FRMD6: variants seen among roughly 807,000 people sequenced by gnomAD.
FRMD6 encodes FERM domain-containing protein 6.
A neutral mutation model predicts 73.2 loss-of-function variants in FRMD6; 37 were observed. That is an observed-to-expected ratio of 0.51 (90% CI 0.39 to 0.66). The LOEUF is 0.66. Ranked by LOEUF, FRMD6 falls within the 30% of genes least tolerant of loss-of-function variation. The probability of loss-of-function intolerance (pLI) is 0.00; values close to 1 mark genes in which losing one functional copy is unlikely to be tolerated. For synonymous variants in FRMD6, 273 were observed against 282.2 expected (o/e 0.97, Z 0.33); for missense variants, 714 against 780.5 (o/e 0.91, Z 1.02).
At chr14:51,620,780 C>A (rs1890899101) in intron 2 of FRMD6, among the ~76,000 whole-genome samples, 1 of 152,190 alleles carries the variant, frequency 6.6e-6, no homozygotes, top group Non-Finnish European at 1.5e-5. Context: ...TGGGCCTCAG[C>A]TGTTTCCAAG....
the FRMD6 span, among the ~76,000 whole-genome samples, chr14:51,411,360 T>C: frequency 6.6e-6 from 1 of 151,722 alleles, no homozygotes; most frequent in African/African-American, 2.4e-5. Context: ...AAGCAGAAAC[T>C]GGGAAGTAAG....
At chr14:51,430,963 A>G in the FRMD6 span, among the ~76,000 whole-genome samples, 1 of 152,200 alleles carries the variant, frequency 6.6e-6, no homozygotes, top group African/African-American at 2.4e-5. Context: ...TAGTAAGGAC[A>G]TTGCTATTCA....
intron 1 of FRMD6, among the ~76,000 whole-genome samples, chr14:51,670,271 T>G (rs1324847862): frequency 6.6e-6 from 1 of 152,086 alleles, no homozygotes; most frequent in African/African-American, 2.4e-5. Flanking sequence ...TTTGTGGAGA[T>G]GGGGGTCTCA....
chr14:51,473,839 T>A, the FRMD6 span, among the ~76,000 whole-genome samples: 5 of 148,990 alleles, frequency 3.4e-5, no homozygotes, highest in East Asian at 1.9e-4. Flanking sequence ...TTTTTTTTTT[T>A]AAATCCCAAG....
chr14:51,448,753 C>T, the FRMD6 span, among the ~76,000 whole-genome samples: 2 of 152,122 alleles, frequency 1.3e-5, no homozygotes, highest in East Asian at 3.9e-4. Flanking sequence ...CTCTCTTCTT[C>T]AAATAAAACT....
chr14:51,459,882 C>CTTTTTT, the FRMD6 span, among the ~76,000 whole-genome samples: 5 of 23,430 alleles, frequency 2.1e-4, no homozygotes, highest in African/African-American at 1.1e-3. Context: ...ATTACTGACT[C>CTTTTTT]TCTTTTTTTT....
At chr14:51,555,655 A>G (rs1196069440) in intron 1 of FRMD6, among the ~76,000 whole-genome samples, 1 of 152,112 alleles carries the variant, frequency 6.6e-6, no homozygotes. Context: ...ACACAAAATT[A>G]GCTGAGCATG....
intron 2 of FRMD6, among the ~76,000 whole-genome samples, chr14:51,605,673 A>G (rs747447441): frequency 2.0e-5 from 3 of 152,154 alleles, no homozygotes; most frequent in Non-Finnish European, 2.9e-5. Context: ...GATCAAGACT[A>G]TACAGGATTA....
chr14:51,430,636 C>G, the FRMD6 span, among the ~76,000 whole-genome samples: 2 of 152,058 alleles, frequency 1.3e-5, no homozygotes, highest in Non-Finnish European at 2.9e-5. Context: ...AAAAAACCCT[C>G]TGTTCTTCTC....
At chr14:51,630,357 T>C (rs917552277) in intron 2 of FRMD6, among the ~76,000 whole-genome samples, 20 of 152,296 alleles carry the variant, frequency 1.3e-4, no homozygotes, top group African/African-American at 4.8e-4. Context: ...TGCATAATGT[T>C]ACACAGATAG....
At chr14:51,570,869 TCATACATTATTCCAAA>T (rs1888098227) in intron 2 of FRMD6, among the ~76,000 whole-genome samples, 1 of 152,260 alleles carries the variant, frequency 6.6e-6, no homozygotes, top group African/African-American at 2.4e-5. Flanking sequence ...CTTCATAAAA[TCATACATTATTCCAAA>T]CATACTATCT....
At chr14:51,557,271 C>CACAT (rs201940675) in intron 1 of FRMD6, among the ~76,000 whole-genome samples, 8 of 150,728 alleles carry the variant, frequency 5.3e-5, no homozygotes, top group Non-Finnish European at 8.9e-5. Flanking sequence ...TATATATACA[C>CACAT]ACATACATAC....
the FRMD6 span, among the ~76,000 whole-genome samples, chr14:51,457,162 T>C: frequency 0.19 from 28,513 of 152,116 alleles, 3,065 homozygotes; most frequent in Middle Eastern, 0.27. Flanking sequence ...AAATAATAAA[T>C]GTATGATATG....
intron 1 of FRMD6, among the ~76,000 whole-genome samples, chr14:51,508,422 G>A (rs988090196): frequency 4.6e-5 from 7 of 152,182 alleles, no homozygotes; most frequent in East Asian, 1.9e-4. Flanking sequence ...TGCTAATCAC[G>A]TTATTTACAT....
chr14:51,606,817 C>CT (rs1362100496), intron 2 of FRMD6, among the ~76,000 whole-genome samples: 3 of 152,244 alleles, frequency 2.0e-5, no homozygotes, highest in African/African-American at 7.2e-5. Flanking sequence ...AGCCCAAGTC[C>CT]TAAGGCCTCA....
At chr14:51,555,545 G>A (rs1887079592) in intron 1 of FRMD6, among the ~76,000 whole-genome samples, 1 of 152,176 alleles carries the variant, frequency 6.6e-6, no homozygotes, top group South Asian at 2.1e-4. Context: ...GCTTACGCCT[G>A]TAATCCCGGC....
intron 2 of FRMD6, among the ~76,000 whole-genome samples, chr14:51,608,831 G>A (rs1342777227): frequency 6.6e-6 from 1 of 152,134 alleles, no homozygotes; most frequent in Non-Finnish European, 1.5e-5. Flanking sequence ...GACAGTCCCT[G>A]CTCCAAGGAA....
At position 51,720,357 on chromosome 14, in the gene FRMD6, A is replaced by C; in HGVS notation, c.1327A>C (p.Lys443Gln). Residue 443 changes from lysine to glutamine, a missense_variant, in exon 11 of 14, where the codon AAA becomes CAA. Coordinates refer to ENST00000344768, the MANE Select transcript of FRMD6 (RefSeq NM_001267046.2). The part of the protein sequence containing the change: ...SHTSGVESGG[K>Q]DRLEEDLQDD... ...CACCTCAGGGGTGGAGAGTGGCGGC[A>C]AAGACCGGCTGGAAGAGGACTTACA... 1 of 1,613,752 alleles carries C rather than the reference A, an allele frequency of 6.2e-7. No individual in the cohort carries two copies. The highest frequency in any genetic ancestry group is 8.5e-7 in the Non-Finnish European group (1 of 1,180,028).
chr14:51,446,024 C>T, the FRMD6 span, among the ~76,000 whole-genome samples: 1 of 152,222 alleles, frequency 6.6e-6, no homozygotes, highest in East Asian at 1.9e-4. Context: ...GTACTTACCA[C>T]TGTCACAGAA....
Sources: allele counts gnomAD v4.1 joint callset (sites outside exome capture counted in the v4.1 genomes callset), GRCh38; gene constraint gnomAD v4.1.1; transcripts MANE v1.5; gene names NCBI Gene and HGNC (gene_info 2026-07-23, HGNC 2026-07-21).